SDHAF3: variants seen among roughly 807,000 people sequenced by gnomAD.
The protein encoded by SDHAF3 is succinate dehydrogenase assembly factor 3, mitochondrial.
A neutral mutation model predicts 11.5 loss-of-function variants in SDHAF3; 18 were observed. The observed-to-expected ratio is 1.56, with a 90% CI of 1.08 to 2.32. The LOEUF (loss-of-function observed/expected upper bound fraction) is 2.32. SDHAF3 is among the 30% of genes most tolerant of loss of function. SDHAF3 has a pLI of 0.00. For synonymous variants in SDHAF3, 72 were observed against 59.3 expected (o/e 1.21, Z -0.99); for missense variants, 200 against 154.4 (o/e 1.30, Z -1.57).
chr7:97,127,006 T>C (rs535128549), intron 1 of SDHAF3, among the ~76,000 whole-genome samples: 51 of 152,268 alleles, frequency 3.3e-4, no homozygotes, highest in African/African-American at 1.2e-3. Context: ...CTGGGCCGGA[T>C]AGCACAGTCC....
chr7:97,147,492 A>G (rs1789153853), intron 1 of SDHAF3, among the ~76,000 whole-genome samples: 1 of 152,226 alleles, frequency 6.6e-6, no homozygotes, highest in South Asian at 2.1e-4. Flanking sequence ...GAACTAGTTT[A>G]TAAGAAATTT....
chr7:97,180,578 T>G (rs1789753856), intron 1 of SDHAF3, among the ~76,000 whole-genome samples: 1 of 152,158 alleles, frequency 6.6e-6, no homozygotes, highest in African/African-American at 2.4e-5. Context: ...CATGTACCCC[T>G]TGTATCTAGG....
chr7:97,131,818 G>A (rs1791675278), intron 1 of SDHAF3, among the ~76,000 whole-genome samples: 1 of 152,140 alleles, frequency 6.6e-6, no homozygotes, highest in African/African-American at 2.4e-5. Context: ...TACGTACAAA[G>A]ATGTTAATTG....
At chr7:97,156,222 G>T (rs1180523939) in intron 1 of SDHAF3, among the ~76,000 whole-genome samples, 1 of 152,162 alleles carries the variant, frequency 6.6e-6, no homozygotes, top group African/African-American at 2.4e-5. Flanking sequence ...TGATGACCTT[G>T]ACAGTTTTGA....
intron 1 of SDHAF3, among the ~76,000 whole-genome samples, chr7:97,162,407 T>A (rs1044874989): frequency 5.3e-5 from 8 of 152,194 alleles, no homozygotes; most frequent in Admixed American, 6.5e-5. Flanking sequence ...TCTTAGTTAT[T>A]TCTTATCTTC....
At chr7:97,133,085 C>A (rs780541098) in intron 1 of SDHAF3, among the ~76,000 whole-genome samples, 3 of 151,978 alleles carry the variant, frequency 2.0e-5, no homozygotes, top group Non-Finnish European at 4.4e-5. Flanking sequence ...AGATATGTCT[C>A]AGAATCATGT....
chr7:97,145,254 G>T (rs1789119190), intron 1 of SDHAF3, among the ~76,000 whole-genome samples: 1 of 151,886 alleles, frequency 6.6e-6, no homozygotes, highest in African/African-American at 2.4e-5. Context: ...TCCACATGAT[G>T]GCAGAAGATA....
chr7:97,126,881 G>A (rs370606669), intron 1 of SDHAF3, among the ~76,000 whole-genome samples: 4 of 151,676 alleles, frequency 2.6e-5, no homozygotes, highest in African/African-American at 9.7e-5. Flanking sequence ...CTAGCTCGGT[G>A]TCTGCCCGAA....
intron 1 of SDHAF3, among the ~76,000 whole-genome samples, chr7:97,126,042 C>T (rs1293525790): frequency 1.3e-5 from 2 of 152,168 alleles, no homozygotes; most frequent in African/African-American, 4.8e-5. Flanking sequence ...GTTTGTTTTT[C>T]TTCTAATAGG....
intron 1 of SDHAF3, among the ~76,000 whole-genome samples, chr7:97,163,282 C>T (rs1423226878): frequency 6.7e-6 from 1 of 149,596 alleles, no homozygotes; most frequent in East Asian, 2.1e-4. Context: ...GCTGGGATTA[C>T]AGGCACCCGC....
chr7:97,155,616 C>T (rs1789289557), intron 1 of SDHAF3, among the ~76,000 whole-genome samples: 1 of 152,136 alleles, frequency 6.6e-6, no homozygotes, highest in South Asian at 2.1e-4. Flanking sequence ...TGTTTGCTTT[C>T]CCACTAAATT....
chr7:97,177,969 T>C (rs1789709840), intron 1 of SDHAF3, among the ~76,000 whole-genome samples: 1 of 152,194 alleles, frequency 6.6e-6, no homozygotes, highest in Non-Finnish European at 1.5e-5. Flanking sequence ...TTTTAATTTT[T>C]TTCCTGGACA....
chr7:97,163,189 A>AT (rs1477558164), intron 1 of SDHAF3, among the ~76,000 whole-genome samples: 1 of 72,836 alleles, frequency 1.4e-5, no homozygotes, highest in African/African-American at 5.2e-5. Context: ...TTTTTTTTTA[A>AT]TTTTTAGTGC....
chr7:97,133,300 T>G (rs1478307337), intron 1 of SDHAF3, among the ~76,000 whole-genome samples: 1 of 152,154 alleles, frequency 6.6e-6, no homozygotes, highest in Non-Finnish European at 1.5e-5. Context: ...AGAGCTTTTG[T>G]TTTTAAGAAC....
At chr7:97,157,841 AT>A (rs1789327959) in intron 1 of SDHAF3, among the ~76,000 whole-genome samples, 3 of 151,846 alleles carry the variant, frequency 2.0e-5, no homozygotes, top group Admixed American at 6.6e-5. Flanking sequence ...GGAAACCATC[AT>A]TCTCAGCAAA....
At chr7:97,165,960 A>C (rs1789498044) in intron 1 of SDHAF3, among the ~76,000 whole-genome samples, 1 of 152,150 alleles carries the variant, frequency 6.6e-6, no homozygotes, top group South Asian at 2.1e-4. Context: ...AGTCTGCTAT[A>C]AAAAAACTTT....
At chr7:97,172,513 A>C (rs1433713282) in intron 1 of SDHAF3, among the ~76,000 whole-genome samples, 2 of 152,146 alleles carry the variant, frequency 1.3e-5, no homozygotes, top group African/African-American at 4.8e-5. Flanking sequence ...TCATTATTGG[A>C]ATCTTAAATT....
chr7:97,126,757 G>A (rs111773830), intron 1 of SDHAF3, among the ~76,000 whole-genome samples: 4,925 of 151,176 alleles, frequency 0.033, 247 homozygotes, highest in African/African-American at 0.11. Flanking sequence ...CCTGCTGAGC[G>A]AGACCACTTG....
intron 1 of SDHAF3, among the ~76,000 whole-genome samples, chr7:97,144,186 G>GT (rs150007886): frequency 0.058 from 8,847 of 151,904 alleles, 652 homozygotes; most frequent in East Asian, 0.29. Flanking sequence ...GGGATTGTTT[G>GT]TTTTTTTCTT....
Sources: allele counts gnomAD v4.1 joint callset (sites outside exome capture counted in the v4.1 genomes callset), GRCh38; gene constraint gnomAD v4.1.1; transcripts MANE v1.5; gene names NCBI Gene and HGNC (gene_info 2026-07-23, HGNC 2026-07-21).